The following AMMECR1 variants were observed in gnomAD, a reference collection of about 807,000 sequenced individuals.
AMMECR1 encodes the protein nuclear protein AMMECR1.
In AMMECR1, 3 loss-of-function variants were observed where a neutral mutation model predicts 22.5. The observed-to-expected ratio is 0.13, with a 90% CI of 0.06 to 0.35. The LOEUF is 0.35. Ranked by LOEUF, AMMECR1 falls within the 10% of genes least tolerant of loss-of-function variation. The pLI is 1.00. For synonymous variants in AMMECR1, 130 were observed against 116.7 expected, an observed-to-expected ratio of 1.11 and a Z score of -0.74; for missense variants, 235 against 278.7, an observed-to-expected ratio of 0.84 and a Z score of 1.12.
intron 1 of AMMECR1, among the ~76,000 whole-genome samples, chrX:110,428,621 G>T (rs1010552674): frequency 9.0e-6 from 1 of 110,656 alleles, no homozygotes; most frequent in South Asian, 3.9e-4. Context: ...CCAAGATGTG[G>T]CTTTCTAAAA....
intron 2 of AMMECR1, among the ~76,000 whole-genome samples, chrX:110,328,530 A>G (rs764657650): frequency 2.6e-4 from 26 of 100,792 alleles, no homozygotes; most frequent in African/African-American, 6.0e-4. Flanking sequence ...GGTTTGTAAC[A>G]TAGGTATAGA....
intron 2 of AMMECR1, among the ~76,000 whole-genome samples, chrX:110,249,222 T>C (rs1203372593): frequency 9.0e-6 from 1 of 110,872 alleles, no homozygotes; most frequent in East Asian, 2.8e-4. Context: ...AGAAAGGTTA[T>C]TCAGTGATTT....
At chrX:110,308,012 G>T (rs1248855556) in intron 1 of AMMECR1, among the ~76,000 whole-genome samples, 1 of 107,828 alleles carries the variant, frequency 9.3e-6, no homozygotes, top group East Asian at 2.9e-4. Flanking sequence ...TGGGACTACA[G>T]GCGCATGCCA....
intron 1 of AMMECR1, among the ~76,000 whole-genome samples, chrX:110,283,034 T>C (rs2067861051): frequency 9.0e-6 from 1 of 111,148 alleles, no homozygotes; most frequent in African/African-American, 3.3e-5. Flanking sequence ...ATTTCAGTCA[T>C]TCTTATGGTT....
At chrX:110,251,593 G>GT (rs1401084962) in intron 2 of AMMECR1, among the ~76,000 whole-genome samples, 1 of 111,831 alleles carries the variant, frequency 8.9e-6, no homozygotes, top group African/African-American at 3.3e-5. Flanking sequence ...GATAATTCTG[G>GT]TGATTGGTGT....
intron 1 of AMMECR1, among the ~76,000 whole-genome samples, chrX:110,431,430 T>C (rs375949033): frequency 8.2e-5 from 9 of 109,875 alleles, no homozygotes; most frequent in African/African-American, 3.0e-4. Flanking sequence ...AGAGAGCTCA[T>C]GTTGAAGAAG....
At chrX:110,212,341 C>T (rs1393385890) in intron 3 of AMMECR1, among the ~76,000 whole-genome samples, 2 of 111,636 alleles carry the variant, frequency 1.8e-5, no homozygotes, top group African/African-American at 6.5e-5. Context: ...GCGAAGATAT[C>T]TACCTCTATG....
At chrX:110,353,466 C>T (rs912063252) in intron 2 of AMMECR1, among the ~76,000 whole-genome samples, 2 of 111,464 alleles carry the variant, frequency 1.8e-5, no homozygotes, top group Admixed American at 9.6e-5. Flanking sequence ...TTCCCTCCTA[C>T]GACTACTTTT....
chrX:110,361,091 C>A (rs2068260369), intron 2 of AMMECR1, among the ~76,000 whole-genome samples: 1 of 110,613 alleles, frequency 9.0e-6, no homozygotes, highest in African/African-American at 3.3e-5. Context: ...TTACCATGTT[C>A]AAAACTGCCC....
chrX:110,291,733 T>C (rs190454789), intron 1 of AMMECR1, among the ~76,000 whole-genome samples: 3 of 112,017 alleles, frequency 2.7e-5, no homozygotes, highest in Middle Eastern at 4.6e-3. Context: ...GAGATATATA[T>C]GCAGAGGTGC....
intron 2 of AMMECR1, among the ~76,000 whole-genome samples, chrX:110,340,544 G>C (rs1347756276): frequency 8.9e-6 from 1 of 111,732 alleles, no homozygotes; most frequent in Non-Finnish European, 1.9e-5. Flanking sequence ...CTGGCTTCAG[G>C]TCCCATCTCT....
chrX:110,307,591 T>C (rs1280736270), intron 1 of AMMECR1, among the ~76,000 whole-genome samples: 1 of 111,302 alleles, frequency 9.0e-6, no homozygotes, highest in African/African-American at 3.3e-5. Context: ...AAAAAGAAGA[T>C]ATGTCTGAAT....
At chrX:110,283,939 T>C (rs1281121088) in intron 1 of AMMECR1, among the ~76,000 whole-genome samples, 4 of 110,937 alleles carry the variant, frequency 3.6e-5, no homozygotes, top group Non-Finnish European at 7.6e-5. Context: ...CTGACCAACA[T>C]GGTGAAACCC....
chrX:110,382,063 C>T (rs766218269), intron 2 of AMMECR1, among the ~76,000 whole-genome samples: 1 of 111,669 alleles, frequency 9.0e-6, no homozygotes, highest in African/African-American at 3.3e-5. Flanking sequence ...TAATTCAAGT[C>T]TGAATCTATG....
At chrX:110,399,625 C>T (rs1259888488) in intron 2 of AMMECR1, among the ~76,000 whole-genome samples, 1 of 112,222 alleles carries the variant, frequency 8.9e-6, no homozygotes. Flanking sequence ...ATGTGAAAGG[C>T]GACCTGGTTC....
At chrX:110,435,040 G>A (rs1157367255) in intron 1 of AMMECR1, among the ~76,000 whole-genome samples, 3 of 97,956 alleles carry the variant, frequency 3.1e-5, no homozygotes, top group Non-Finnish European at 6.1e-5. Context: ...GGGACAGAGG[G>A]AGAAAGGGAG....
chrX:110,260,606 A>T (rs1225354785), intron 2 of AMMECR1, among the ~76,000 whole-genome samples: 2 of 111,572 alleles, frequency 1.8e-5, no homozygotes, highest in Non-Finnish European at 3.8e-5. Context: ...ATTTCATTTT[A>T]AAAAATATCT....
At chrX:110,391,556 C>G (rs1040285601) in intron 2 of AMMECR1, among the ~76,000 whole-genome samples, 2 of 112,061 alleles carry the variant, frequency 1.8e-5, no homozygotes, top group African/African-American at 6.5e-5. Context: ...CTGGCTTTTG[C>G]TCAGGCTACG....
At chrX:110,375,206 T>C (rs953713017) in intron 2 of AMMECR1, among the ~76,000 whole-genome samples, 2 of 111,927 alleles carry the variant, frequency 1.8e-5, no homozygotes, top group African/African-American at 3.3e-5. Flanking sequence ...AATAATCTAC[T>C]AGCAAATTCA....
Sources: gnomAD v4.1 joint callset for allele counts (sites outside exome capture counted in the v4.1 genomes callset) on GRCh38, gnomAD v4.1.1 for gene constraint, MANE v1.5 for transcripts, NCBI Gene and HGNC (gene_info 2026-07-23, HGNC 2026-07-21) for gene names.